RBFOX1: variants seen among roughly 807,000 people sequenced by gnomAD.
RBFOX1 encodes the protein RNA binding fox-1 homolog 1.
A neutral mutation model predicts 57.7 loss-of-function variants in RBFOX1; 8 were observed. The ratio of observed to expected loss-of-function variants is 0.14; its 90% confidence interval spans 0.08 to 0.25. The LOEUF is 0.25. Among genes scored for constraint, RBFOX1 ranks in the 10% least tolerant of loss-of-function variants. The pLI is 1.00. For missense variants in RBFOX1, 611 were observed against 548.5 expected (o/e 1.11, Z -1.14); for synonymous variants, 326 against 222.4 (o/e 1.47, Z -4.15).
intron 4 of RBFOX1, among the ~76,000 whole-genome samples, chr16:5,957,819 T>A (rs1459767020): frequency 2.6e-5 from 4 of 152,156 alleles, no homozygotes; most frequent in Non-Finnish European, 4.4e-5. Context: ...TTACAAACAA[T>A]CCACTTATAC....
chr16:6,158,023 A>T (rs2096850793), intron 1 of RBFOX1, among the ~76,000 whole-genome samples: 1 of 152,206 alleles, frequency 6.6e-6, no homozygotes, highest in South Asian at 2.1e-4. Flanking sequence ...ACATTTGAAG[A>T]TGGAGGATAA....
chr16:5,243,967 G>A (rs2062232148), intron 1 of RBFOX1, among the ~76,000 whole-genome samples: 1 of 151,844 alleles, frequency 6.6e-6, no homozygotes, highest in Non-Finnish European at 1.5e-5. Flanking sequence ...CATGATCTCC[G>A]CTCACTGCAA....
chr16:5,672,198 A>G (rs2050032366), intron 3 of RBFOX1, among the ~76,000 whole-genome samples: 1 of 152,104 alleles, frequency 6.6e-6, no homozygotes, highest in African/African-American at 2.4e-5. Flanking sequence ...CAGTACCCTA[A>G]TGTATTATAT....
chr16:5,802,678 C>G (rs540129796), intron 3 of RBFOX1, among the ~76,000 whole-genome samples: 11 of 152,316 alleles, frequency 7.2e-5, no homozygotes, highest in African/African-American at 2.2e-4. Context: ...TAGGGAAGAA[C>G]ACGATAGCTT....
At chr16:6,975,893 G>C (rs1221884615) in intron 3 of RBFOX1, among the ~76,000 whole-genome samples, 1 of 152,122 alleles carries the variant, frequency 6.6e-6, no homozygotes, top group African/African-American at 2.4e-5. Flanking sequence ...TTGGGAGGCT[G>C]AGGTAGGTGG....
In RBFOX1 at chr16:7,334,285, A is replaced by C. The variant is rs368307938; in HGVS notation, c.28-183862A>C. On this transcript the variant is annotated intron_variant, in intron 4 of 15. Transcript: ENST00000550418. The stretch of plus-strand genomic sequence containing the variant: ...TTCTCTGTATTACCTGTTATAAACA[A>C]ATGGGTCATCTGGAGAACGGTCCTT... Among the ~76,000 whole-genome samples, 3 of 152,066 alleles carry C rather than the reference A, an allele frequency of 2.0e-5. No homozygotes were observed. The South Asian group carries it at 6.2e-4, about 32-fold the overall frequency.
intron 1 of RBFOX1, among the ~76,000 whole-genome samples, chr16:5,269,369 A>G (rs7203726): frequency 0.013 from 1,980 of 152,314 alleles, 27 homozygotes; most frequent in African/African-American, 0.046. Flanking sequence ...GATGTGCCAT[A>G]TTTTCATATT....
chr16:7,335,426 G>C (rs927946760), intron 4 of RBFOX1, among the ~76,000 whole-genome samples: 1 of 152,154 alleles, frequency 6.6e-6, no homozygotes, highest in African/African-American at 2.4e-5. Flanking sequence ...AGTTCATAGT[G>C]TCCACTTGGA....
At chr16:5,570,865 A>G (rs1229542900) in intron 2 of RBFOX1, among the ~76,000 whole-genome samples, 2 of 151,624 alleles carry the variant, frequency 1.3e-5, no homozygotes, top group South Asian at 2.1e-4. Context: ...AAAGCATTTC[A>G]TAGATTACAC....
intron 2 of RBFOX1, among the ~76,000 whole-genome samples, chr16:5,533,939 C>T (rs939170970): frequency 2.4e-4 from 36 of 152,088 alleles, no homozygotes; most frequent in African/African-American, 8.5e-4. Context: ...TTAAGGAGAG[C>T]AGGAATTGTT....
chr16:6,571,790 T>C (rs1465486936), intron 2 of RBFOX1, among the ~76,000 whole-genome samples: 2 of 152,212 alleles, frequency 1.3e-5, no homozygotes, highest in Non-Finnish European at 2.9e-5. Flanking sequence ...TAAATATTTT[T>C]TGAGTGAATT....
intron 2 of RBFOX1, among the ~76,000 whole-genome samples, chr16:5,563,297 A>G (rs970034698): frequency 4.5e-4 from 69 of 152,218 alleles, no homozygotes; most frequent in Admixed American, 3.6e-3. Flanking sequence ...GTTCATTTCC[A>G]TTTCCATTTC....
chr16:7,705,482 GC>G (rs1444320743), intron 14 of RBFOX1, among the ~76,000 whole-genome samples: 1 of 152,154 alleles, frequency 6.6e-6, no homozygotes, highest in Non-Finnish European at 1.5e-5. Context: ...TCCAGCCTTA[GC>G]AACAGAGCAA....
intron 4 of RBFOX1, among the ~76,000 whole-genome samples, chr16:5,905,925 G>T (rs2152195041): frequency 6.6e-6 from 1 of 152,300 alleles, no homozygotes; most frequent in South Asian, 2.1e-4. Context: ...AGGATAAGAA[G>T]GTTTTCAGCT....
intron 1 of RBFOX1, among the ~76,000 whole-genome samples, chr16:5,346,627 C>G (rs1231407650): frequency 6.6e-6 from 1 of 152,202 alleles, no homozygotes; most frequent in African/African-American, 2.4e-5. Flanking sequence ...TTATCCCCTC[C>G]TGGGAATTTT....
At chr16:6,603,592 G>A (rs1567844457) in intron 2 of RBFOX1, among the ~76,000 whole-genome samples, 2 of 152,134 alleles carry the variant, frequency 1.3e-5, no homozygotes, top group Non-Finnish European at 2.9e-5. Context: ...TAGGCTCTGG[G>A]CATCAGCACT....
chr16:7,314,110 A>G (rs866758849), intron 4 of RBFOX1, among the ~76,000 whole-genome samples: 7 of 152,094 alleles, frequency 4.6e-5, no homozygotes, highest in Middle Eastern at 3.4e-3. Context: ...GGACTTGGGG[A>G]GGAGGAAGGG....
intron 1 of RBFOX1, among the ~76,000 whole-genome samples, chr16:5,403,038 G>A (rs2151442550): frequency 6.6e-6 from 1 of 152,224 alleles, no homozygotes; most frequent in Non-Finnish European, 1.5e-5. Flanking sequence ...ACAAATGCAT[G>A]GAAGCAAAAG....
intron 4 of RBFOX1, chr16:7,333,151 T>A (rs2096723297): frequency 6.7e-7 from 1 of 1,484,950 alleles, no homozygotes; most frequent in Non-Finnish European, 9.4e-7. Context: ...ATAATTGGAA[T>A]TTTTATGGTT....
Sources: gnomAD v4.1 joint callset for allele counts (sites outside exome capture counted in the v4.1 genomes callset) on GRCh38, gnomAD v4.1.1 for gene constraint, MANE v1.5 for transcripts, NCBI Gene and HGNC (gene_info 2026-07-23, HGNC 2026-07-21) for gene names.